The following GPC6 variants were observed in gnomAD, a reference collection of about 807,000 sequenced individuals.
The protein encoded by GPC6 is glypican-6.
GPC6 carries 14 observed loss-of-function variants against 55.2 expected under a neutral mutation model. The ratio of observed to expected loss-of-function variants is 0.25; its 90% CI spans 0.17 to 0.40. GPC6 has a LOEUF of 0.40. GPC6 is among the 10% of genes least tolerant of loss of function. The probability of loss-of-function intolerance (pLI) is 1.00; values close to 1 mark genes in which losing one functional copy is unlikely to be tolerated. For synonymous variants in GPC6, 278 were observed against 259.6 expected, an observed-to-expected ratio of 1.07 and a Z score of -0.68; for missense variants, 641 against 708.5, an observed-to-expected ratio of 0.90 and a Z score of 1.08.
chr13:94,137,437 G>A (rs1887222359), intron 4 of GPC6, among the ~76,000 whole-genome samples: 1 of 152,142 alleles, frequency 6.6e-6, no homozygotes. Flanking sequence ...AGTGCAATGA[G>A]GATATAGAGA....
intron 1 of GPC6, among the ~76,000 whole-genome samples, chr13:93,424,989 A>G (rs1877070244): frequency 6.6e-6 from 1 of 152,110 alleles, no homozygotes. Context: ...AGACCACCTG[A>G]TCCTAGTGAT....
At chr13:93,824,366 G>A (rs1887160346) in intron 2 of GPC6, among the ~76,000 whole-genome samples, 1 of 152,206 alleles carries the variant, frequency 6.6e-6, no homozygotes, top group South Asian at 2.1e-4. Context: ...AGACTCAAAA[G>A]TGGTTTGGGA....
At position 93,963,065 on chromosome 13, in the gene GPC6, A is replaced by G. The variant is rs541972368; in HGVS notation, c.712-64664A>G. Among the ~76,000 whole-genome samples the G allele has an allele frequency of 2.6e-5, 4 of 152,186 alleles. No homozygotes were observed. In the South Asian group the frequency reaches 8.3e-4, roughly 32 times the overall value. On this transcript the variant is annotated intron_variant, in intron 3 of 8. Coordinates refer to ENST00000377047, the MANE Select transcript of GPC6 (RefSeq NM_005708.5). ...ATACCAGTCTCCTAAGCTGTGTAGC[A>G]TTTTTTTATATTCTTTACTTTCTGC...
intron 3 of GPC6, among the ~76,000 whole-genome samples, chr13:94,006,524 G>A (rs935570944): frequency 2.6e-5 from 4 of 152,200 alleles, no homozygotes; most frequent in Admixed American, 1.3e-4. Flanking sequence ...TAGCATCAAG[G>A]TTGCTTTGTT....
chr13:94,206,114 A>G (rs760945073), intron 4 of GPC6, among the ~76,000 whole-genome samples: 18 of 152,190 alleles, frequency 1.2e-4, no homozygotes, highest in Non-Finnish European at 2.4e-4. Context: ...TCACAATCCA[A>G]ATCTTAATCC....
At position 94,146,579 on chromosome 13, in the gene GPC6, C is replaced by A. The variant is rs890091413; in HGVS notation, c.877+118685C>A. ...GCAGTGTTTTTCAAATCTCAGGTTG[C>A]AAACATTGAATCATTTTATCAATAA... On this transcript the variant is annotated intron_variant, in intron 4 of 8. Transcript: ENST00000377047. Among the ~76,000 whole-genome samples the A allele has an allele frequency of 6.6e-5, 10 of 152,054 alleles. No individual in the cohort carries two copies. The South Asian group carries it at 1.4e-3, about 22-fold the overall frequency.
intron 2 of GPC6, among the ~76,000 whole-genome samples, chr13:93,791,590 C>T (rs1444896009): frequency 1.3e-5 from 2 of 151,982 alleles, no homozygotes; most frequent in African/African-American, 2.4e-5. Flanking sequence ...GCACAGGCCT[C>T]GTTGTTTTTC....
At chr13:94,342,822 C>T (rs549129552) in intron 6 of GPC6, among the ~76,000 whole-genome samples, 16 of 152,242 alleles carry the variant, frequency 1.1e-4, no homozygotes, top group African/African-American at 2.6e-4. Context: ...CTCGTAAGCC[C>T]ATCCTCAGTC....
At chr13:94,362,997 G>A (rs1256917252) in intron 6 of GPC6, among the ~76,000 whole-genome samples, 1 of 152,046 alleles carries the variant, frequency 6.6e-6, no homozygotes, top group Non-Finnish European at 1.5e-5. Context: ...TACGTTTTAA[G>A]CCCCACATGC....
chr13:93,756,235 T>C (rs561492584), intron 2 of GPC6, among the ~76,000 whole-genome samples: 67 of 152,240 alleles, frequency 4.4e-4, no homozygotes, highest in African/African-American at 1.6e-3. Flanking sequence ...TTGTTTAGGA[T>C]TAAATTGCAC....
At chr13:93,945,091 AG>A (rs1333222446) in intron 3 of GPC6, among the ~76,000 whole-genome samples, 2 of 152,138 alleles carry the variant, frequency 1.3e-5, no homozygotes, top group Non-Finnish European at 2.9e-5. Flanking sequence ...TATTTCACAG[AG>A]TGTAAGTCCA....
intron 1 of GPC6, among the ~76,000 whole-genome samples, chr13:93,446,685 C>T (rs748000077): frequency 5.3e-5 from 8 of 152,022 alleles, no homozygotes; most frequent in Non-Finnish European, 7.4e-5. Context: ...ATGAATTGTT[C>T]GATTGAGGTA....
intron 4 of GPC6, among the ~76,000 whole-genome samples, chr13:94,070,377 A>G (rs750774423): frequency 4.6e-5 from 7 of 152,214 alleles, no homozygotes; most frequent in Admixed American, 1.3e-4. Context: ...CAGCCAAACC[A>G]TATCAATGTC....
At chr13:93,219,338 C>T in the GPC6 span, among the ~76,000 whole-genome samples, 3 of 152,262 alleles carry the variant, frequency 2.0e-5, no homozygotes, top group South Asian at 2.1e-4. Flanking sequence ...ATGATCCACC[C>T]GCCTTGGCCT....
At chr13:93,268,427 G>T (rs1019755197) in intron 1 of GPC6, among the ~76,000 whole-genome samples, 3 of 152,156 alleles carry the variant, frequency 2.0e-5, no homozygotes, top group Admixed American at 1.3e-4. Flanking sequence ...TTGAGTACCC[G>T]GTCAGTGAGA....
At chr13:93,318,587 T>A (rs1298356692) in intron 1 of GPC6, among the ~76,000 whole-genome samples, 2 of 152,036 alleles carry the variant, frequency 1.3e-5, no homozygotes, top group Non-Finnish European at 2.9e-5. Flanking sequence ...GGAGAGGAGA[T>A]AACAATCAGT....
chr13:93,508,612 A>G (rs554694396), intron 1 of GPC6, among the ~76,000 whole-genome samples: 1 of 152,362 alleles, frequency 6.6e-6, no homozygotes, highest in South Asian at 2.1e-4. Context: ...TACTCAGGCT[A>G]CTGTGCTGAG....
At chr13:94,086,345 G>A (rs1885281256) in intron 4 of GPC6, among the ~76,000 whole-genome samples, 1 of 152,128 alleles carries the variant, frequency 6.6e-6, no homozygotes, top group Non-Finnish European at 1.5e-5. Context: ...GGCTGAGAGA[G>A]CCTGTGGCTA....
chr13:93,654,188 A>G (rs1222205766), intron 2 of GPC6, among the ~76,000 whole-genome samples: 1 of 152,088 alleles, frequency 6.6e-6, no homozygotes, highest in East Asian at 1.9e-4. Flanking sequence ...TTTTCCTTAT[A>G]GTTCTCTGAT....
Sources: allele counts gnomAD v4.1 joint callset (sites outside exome capture counted in the v4.1 genomes callset), GRCh38; gene constraint gnomAD v4.1.1; transcripts MANE v1.5; gene names NCBI Gene and HGNC (gene_info 2026-07-23, HGNC 2026-07-21).